The following ZC4H2 variants were observed in gnomAD, a reference collection of about 807,000 sequenced individuals.
The protein encoded by ZC4H2 is zinc finger C4H2 domain-containing protein.
For missense variants in ZC4H2, 137 were observed against 173.9 expected, an observed-to-expected ratio of 0.79 and a Z score of 1.19; for synonymous variants, 84 against 66.3, an observed-to-expected ratio of 1.27 and a Z score of -1.30.
intron 1 of ZC4H2, among the ~76,000 whole-genome samples, chrX:64,971,906 T>C (rs1285078302): frequency 6.3e-5 from 7 of 111,409 alleles, no homozygotes; most frequent in Non-Finnish European, 1.3e-4. Flanking sequence ...CATCGGGGTG[T>C]GAGTGTACGC....
chrX:64,947,333 A>G (rs1035511761), intron 1 of ZC4H2, among the ~76,000 whole-genome samples: 1 of 111,762 alleles, frequency 8.9e-6, no homozygotes, highest in African/African-American at 3.3e-5. Flanking sequence ...AGTGTTCTAT[A>G]AATGTCAATG....
intron 1 of ZC4H2, among the ~76,000 whole-genome samples, chrX:65,012,249 AAG>A: frequency 9.4e-6 from 1 of 105,951 alleles, no homozygotes. Flanking sequence ...AAAAAAAAGA[AAG>A]AAAGAAAGAA....
intron 1 of ZC4H2, among the ~76,000 whole-genome samples, chrX:65,002,653 T>C (rs1192845735): frequency 9.1e-6 from 1 of 110,192 alleles, no homozygotes; most frequent in Non-Finnish European, 1.9e-5. Context: ...AGAAATCAGA[T>C]TGTTGCTGTG....
At chrX:64,983,913 C>G (rs191116531) in intron 1 of ZC4H2, among the ~76,000 whole-genome samples, 1 of 111,695 alleles carries the variant, frequency 9.0e-6, no homozygotes, top group East Asian at 2.8e-4. Flanking sequence ...CACTTCAACA[C>G]GTTTATTAGT....
Position 64,939,068 on chromosome X carries a change from C to T in ZC4H2, c.54-17080G>A, listed in dbSNP as rs1366595310. 2.7e-5 allele frequency among the ~76,000 whole-genome samples: 3 copies of T among 112,197 alleles called. No individual in the cohort carries two copies. The Admixed American group carries it at 2.8e-4, about 11-fold the overall frequency. On this transcript the variant is annotated intron_variant, in intron 1 of 4. Transcript: ENST00000374839. ...TGTCTCATCTCAAAATCTCCTTAAG[C>T]TGATAAGCAATTTCAGCAAAGTCTC...
At chrX:64,975,697 G>A (rs1931924058) in intron 1 of ZC4H2, among the ~76,000 whole-genome samples, 1 of 111,796 alleles carries the variant, frequency 8.9e-6, no homozygotes, top group South Asian at 3.8e-4. Flanking sequence ...CAGCTCCTCA[G>A]AGCAGCTGTC....
At chrX:64,997,717 C>T (rs778785568) in intron 1 of ZC4H2, among the ~76,000 whole-genome samples, 1 of 111,608 alleles carries the variant, frequency 9.0e-6, no homozygotes, top group African/African-American at 3.3e-5. Context: ...GGGTGTTCTT[C>T]CCACCTCGGC....
chrX:64,972,142 A>C (rs1377615463), intron 1 of ZC4H2, among the ~76,000 whole-genome samples: 1 of 111,687 alleles, frequency 9.0e-6, no homozygotes, highest in Non-Finnish European at 1.9e-5. Context: ...AAGTCCAAGG[A>C]AAACATGGGC....
chrX:64,986,743 G>A (rs1932193095), intron 1 of ZC4H2, among the ~76,000 whole-genome samples: 2 of 110,527 alleles, frequency 1.8e-5, no homozygotes, highest in African/African-American at 3.3e-5. Flanking sequence ...AGAAAAGCCA[G>A]TCTTCATTTT....
chrX:65,022,741 G>T (rs147053291), intron 1 of ZC4H2, among the ~76,000 whole-genome samples: 1 of 111,899 alleles, frequency 8.9e-6, no homozygotes, highest in African/African-American at 3.2e-5. Flanking sequence ...ACTTAAAAGG[G>T]ATGTGAAGGA....
chrX:64,939,767 A>G (rs1305954081), intron 1 of ZC4H2, among the ~76,000 whole-genome samples: 3 of 112,048 alleles, frequency 2.7e-5, no homozygotes, highest in Non-Finnish European at 5.6e-5. Context: ...CTTACACCTT[A>G]TACAAAGATT....
rs915419679 is a variant in ZC4H2, at chrX:64,916,510, T to C, written c.*1273A>G. 3 of 112,236 alleles carry C rather than the reference T, an allele frequency of 2.7e-5. No homozygotes were observed. Among genetic ancestry groups the C allele is most frequent in the Non-Finnish European group, 1.9e-5 (1 of 53,223 alleles). 9.2% of individuals were successfully genotyped at this position (112,236 alleles called of 1,213,427 possible). On this transcript the variant is annotated 3_prime_UTR_variant, in exon 5 of 5. Transcript: ENST00000374839. ...TTTCAAAGAGCAGAGGAACATTTTA[T>C]ATAGTGAACACATACACACTGTGGC... is the stretch of plus-strand genomic sequence containing the variant.
chrX:64,998,810 A>G (rs1405659181), intron 1 of ZC4H2, among the ~76,000 whole-genome samples: 2 of 110,670 alleles, frequency 1.8e-5, no homozygotes, highest in South Asian at 3.7e-4. Flanking sequence ...TATAAATTTT[A>G]TAATTTTATA....
chrX:64,935,308 AG>A (rs1175532349), intron 1 of ZC4H2, among the ~76,000 whole-genome samples: 5 of 112,031 alleles, frequency 4.5e-5, no homozygotes, highest in African/African-American at 6.5e-5. Context: ...TCTGAAAAAA[AG>A]GCAGGAGCCC....
chrX:64,940,752 T>A (rs1168945266), intron 1 of ZC4H2, among the ~76,000 whole-genome samples: 1 of 111,263 alleles, frequency 9.0e-6, no homozygotes, highest in Non-Finnish European at 1.9e-5. Flanking sequence ...GTTCCGTTGG[T>A]CTATATATCT....
At chrX:65,028,210 C>T (rs1377215334) in intron 1 of ZC4H2, among the ~76,000 whole-genome samples, 1 of 110,663 alleles carries the variant, frequency 9.0e-6, no homozygotes, top group African/African-American at 3.3e-5. Flanking sequence ...AGTAGAATTC[C>T]CAGAGGGCTT....
At chrX:64,989,208 C>T (rs1258446622) in intron 1 of ZC4H2, among the ~76,000 whole-genome samples, 13 of 111,616 alleles carry the variant, frequency 1.2e-4, no homozygotes, top group Non-Finnish European at 2.1e-4. Flanking sequence ...GCGGGCTCTT[C>T]TTTGGTTCCA....
At chrX:65,020,940 C>T (rs1306580565) in intron 1 of ZC4H2, among the ~76,000 whole-genome samples, 2 of 109,434 alleles carry the variant, frequency 1.8e-5, no homozygotes, top group Non-Finnish European at 3.8e-5. Flanking sequence ...AAAGGCATTA[C>T]ATAATGGTAA....
At chrX:64,928,961 T>C (rs1929608287) in intron 1 of ZC4H2, among the ~76,000 whole-genome samples, 1 of 104,171 alleles carries the variant, frequency 9.6e-6, no homozygotes, top group Admixed American at 1.1e-4. Context: ...TGATCTCGGC[T>C]CACTGCAACC....
Sources: allele counts gnomAD v4.1 joint callset (sites outside exome capture counted in the v4.1 genomes callset), GRCh38; gene constraint gnomAD v4.1.1; transcripts MANE v1.5; gene names NCBI Gene and HGNC (gene_info 2026-07-23, HGNC 2026-07-21).